TAFA4: variants seen among roughly 807,000 people sequenced by gnomAD.
TAFA4 encodes the protein chemokine-like protein TAFA-4.
A neutral mutation model predicts 21.1 loss-of-function variants in TAFA4; 20 were observed. The ratio of observed to expected loss-of-function variants is 0.95; its 90% confidence interval spans 0.67 to 1.38. The LOEUF (loss-of-function observed/expected upper bound fraction) is 1.38, where lower values mean the gene tolerates loss of function less well. Ranked by LOEUF, TAFA4 falls within the 40% of genes most tolerant of loss-of-function variation. The pLI is 0.00. For synonymous variants in TAFA4, 71 were observed against 67.4 expected (o/e 1.05, Z -0.26); for missense variants, 211 against 180.9 (o/e 1.17, Z -0.95).
intron 3 of TAFA4, among the ~76,000 whole-genome samples, chr3:68,825,069 C>A (rs1178110394): frequency 6.6e-6 from 1 of 152,118 alleles, no homozygotes; most frequent in Non-Finnish European, 1.5e-5. Context: ...CATAGACCAT[C>A]CCATCACCTA....
intron 1 of TAFA4, among the ~76,000 whole-genome samples, chr3:68,897,813 C>T (rs943366202): frequency 1.3e-5 from 2 of 152,000 alleles, no homozygotes; most frequent in African/African-American, 4.8e-5. Flanking sequence ...TTTTCTTTAC[C>T]CAACCTACTT....
chr3:68,817,247 TTCATCCGTAAGAAGCAACCCC>T (rs1299203709), intron 3 of TAFA4, among the ~76,000 whole-genome samples: 1 of 152,218 alleles, frequency 6.6e-6, no homozygotes, highest in Non-Finnish European at 1.5e-5. Context: ...ACTTTCTTTG[TTCATCCGTAAGAAGCAACCCC>T]TCATCCGCTA....
intron 3 of TAFA4, among the ~76,000 whole-genome samples, chr3:68,797,580 T>C (rs1232705507): frequency 8.3e-6 from 1 of 120,056 alleles, no homozygotes; most frequent in Non-Finnish European, 1.6e-5. Flanking sequence ...GCCACTACAC[T>C]CCAGCCTGGG....
intron 3 of TAFA4, among the ~76,000 whole-genome samples, chr3:68,804,530 T>C (rs1401240562): frequency 1.3e-5 from 2 of 152,172 alleles, no homozygotes; most frequent in Admixed American, 6.5e-5. Flanking sequence ...GGAGGCAGCA[T>C]CACGCTACCT....
At chr3:68,864,235 T>C (rs1001500510) in intron 3 of TAFA4, among the ~76,000 whole-genome samples, 1 of 152,022 alleles carries the variant, frequency 6.6e-6, no homozygotes, top group Admixed American at 6.6e-5. Context: ...TATAAAAAGA[T>C]CTCTCAAAAC....
chr3:68,739,032 G>A (rs758779631), intron 5 of TAFA4, 43 bp downstream of exon 5: 1 of 1,608,148 alleles, frequency 6.2e-7, no homozygotes, highest in East Asian at 2.2e-5. Flanking sequence ...AAGCCCCACA[G>A]TTGATAACTT....
At chr3:68,920,274 T>G (rs1169024706) in intron 1 of TAFA4, among the ~76,000 whole-genome samples, 1 of 152,238 alleles carries the variant, frequency 6.6e-6, no homozygotes, top group Non-Finnish European at 1.5e-5. Context: ...ATGACACTAC[T>G]TAAGTGAAAA....
chr3:68,746,137 G>T (rs1271397904), intron 4 of TAFA4, among the ~76,000 whole-genome samples: 1 of 152,092 alleles, frequency 6.6e-6, no homozygotes, highest in Non-Finnish European at 1.5e-5. Context: ...TTACACCAGT[G>T]GTTTCCCAGG....
At chr3:68,747,149 A>G (rs1409896159) in intron 4 of TAFA4, among the ~76,000 whole-genome samples, 6 of 152,204 alleles carry the variant, frequency 3.9e-5, no homozygotes, top group Non-Finnish European at 4.4e-5. Context: ...CTAATCCATG[A>G]TAAACACCAT....
At chr3:68,806,880 T>G (rs1045425232) in intron 3 of TAFA4, among the ~76,000 whole-genome samples, 1 of 152,174 alleles carries the variant, frequency 6.6e-6, no homozygotes, top group African/African-American at 2.4e-5. Context: ...GAAATGAATT[T>G]CTGTCAAGCC....
chr3:68,899,609 A>G (rs1320048623), intron 1 of TAFA4, among the ~76,000 whole-genome samples: 10 of 152,152 alleles, frequency 6.6e-5, no homozygotes, highest in Admixed American at 6.5e-4. Context: ...ACAGTTTCAA[A>G]CGCAAATTCA....
chr3:68,741,748 C>T lies in TAFA4; in HGVS notation c.287-2549G>A, dbSNP rs138573840. On this transcript the variant is annotated intron_variant, in intron 4 of 5. Transcript: ENST00000295569. The stretch of plus-strand genomic sequence containing the variant: ...TGGAGCTTGCAGTGAGCTGAGATCA[C>T]GCCAGTGCATTCCAGCCTGGGTGAC... 5.8e-3 allele frequency among the ~76,000 whole-genome samples: 876 copies of T among 151,992 alleles called. 11 individuals are homozygous for T. The highest frequency in any genetic ancestry group is 0.019 in the African/African-American group (804 of 41,412).
chr3:68,883,844 G>A (rs1253893900), intron 2 of TAFA4, among the ~76,000 whole-genome samples: 1 of 152,028 alleles, frequency 6.6e-6, no homozygotes, highest in Non-Finnish European at 1.5e-5. Flanking sequence ...GAGGTGGAAG[G>A]AACGCTTGAG....
At chr3:68,809,691 CAT>C (rs35775052) in intron 3 of TAFA4, among the ~76,000 whole-genome samples, 3,656 of 152,034 alleles carry the variant, frequency 0.024, 225 homozygotes, top group East Asian at 0.24. Flanking sequence ...TTTATGGTTT[CAT>C]AGTCTTATCT....
chr3:68,777,483 A>T (rs928803184), intron 3 of TAFA4, among the ~76,000 whole-genome samples: 1 of 152,132 alleles, frequency 6.6e-6, no homozygotes, highest in Admixed American at 6.5e-5. Context: ...TTTAACTGTA[A>T]ATTAATTAAA....
In TAFA4 at chr3:68,875,255, C is replaced by G. The variant is rs560432721; in HGVS notation, c.130+5475G>C. 8.6e-5 allele frequency among the ~76,000 whole-genome samples: 13 copies of G among 150,560 alleles called. No homozygotes were observed. In the South Asian group the frequency reaches 2.7e-3, roughly 32 times the overall value. On this transcript the variant is annotated intron_variant, in intron 3 of 5. Coordinates refer to ENST00000295569, the MANE Select transcript of TAFA4 (RefSeq NM_182522.5). ...TTTTTTTTTTTTTTAACTTCTGAAT[C>G]ATTTGTTCTCATCTTTGGCTGCAGG...
chr3:68,841,412 G>A (rs1435614352), intron 3 of TAFA4, among the ~76,000 whole-genome samples: 1 of 151,986 alleles, frequency 6.6e-6, no homozygotes, highest in Admixed American at 6.6e-5. Flanking sequence ...TTCACAATTG[G>A]CTGGCACTGT....
chr3:68,850,372 A>G (rs1364479090), intron 3 of TAFA4, among the ~76,000 whole-genome samples: 1 of 152,196 alleles, frequency 6.6e-6, no homozygotes, highest in Non-Finnish European at 1.5e-5. Flanking sequence ...CATGGAGTAT[A>G]TGTCTTAGTG....
chr3:68,931,756 C>A (rs1182495651), intron 1 of TAFA4, among the ~76,000 whole-genome samples: 1 of 114,784 alleles, frequency 8.7e-6, no homozygotes, highest in Non-Finnish European at 1.7e-5. Flanking sequence ...TCCTAGCAAC[C>A]AGAGCTTCAG....
Sources: gnomAD v4.1 joint callset for allele counts (sites outside exome capture counted in the v4.1 genomes callset) on GRCh38, gnomAD v4.1.1 for gene constraint, MANE v1.5 for transcripts, NCBI Gene and HGNC (gene_info 2026-07-23, HGNC 2026-07-21) for gene names.